Variants in ZNF324 observed in about 807,000 individuals in gnomAD.
The protein encoded by ZNF324 is zinc finger protein 324A.
In ZNF324, 3 loss-of-function variants were observed where a neutral mutation model predicts 10.3. The observed-to-expected ratio is 0.29, with a 90% CI of 0.13 to 0.75. The LOEUF (loss-of-function observed/expected upper bound fraction) is 0.75, where lower values mean the gene tolerates loss of function less well. Among genes scored for constraint, ZNF324 ranks in the 30% least tolerant of loss-of-function variants. The probability of loss-of-function intolerance (pLI) is 0.69; values close to 1 mark genes in which losing one functional copy is unlikely to be tolerated. For synonymous variants in ZNF324, 430 were observed against 339.5 expected (o/e 1.27, Z -2.93); for missense variants, 763 against 784.4 (o/e 0.97, Z 0.33).
Position 58,470,836 on chromosome 19 carries a change from C to A in ZNF324, c.344C>A (p.Ala115Asp). 6.2e-7 allele frequency: 1 copy of A among 1,614,230 alleles called. No individual in the cohort carries two copies. The highest frequency in any genetic ancestry group is 8.5e-7 in the Non-Finnish European group (1 of 1,180,044). ...ACTAGCGTCTTCCCTGTTGCCGGTG[C>A]CTGCCACAGTGTAAAAAGCCTGCAG... ...MTTSVFPVAG[A>D]CHSVKSLQRQ... Residue 115 changes from alanine to aspartate, a missense_variant, in exon 4 of 4, where the codon GCC becomes GAC. Around this residue, in one of 3 missense-constraint regions of ZNF324, gnomAD observed 379 missense variants for 319.4 expected, o/e 1.19. Coordinates refer to ENST00000196482, the MANE Select transcript of ZNF324 (RefSeq NM_014347.3).
In ZNF324 at chr19:58,475,384, T is replaced by G. The variant is rs947454466; in HGVS notation, c.*3230T>G. 1 of 152,258 alleles carries G rather than the reference T, an allele frequency of 6.6e-6. No homozygotes were observed. The highest frequency in any genetic ancestry group is 6.5e-5 in the Admixed American group (1 of 15,288). 9.4% of individuals were successfully genotyped at this position (152,258 alleles called of 1,614,324 possible). A position where few individuals can be genotyped will look rare whatever the true frequency, so the allele number is the denominator to read the frequency against. ...TGGGAGAAACTAGTGTCACCCTGGC[T>G]AGTTCTGCTCCCCAAATTCAAAGGT... On this transcript the variant is annotated 3_prime_UTR_variant, in exon 4 of 4. Transcript: ENST00000196482.
chr19:58,475,221 G>A lies in ZNF324; in HGVS notation c.*3067G>A, dbSNP rs1426789669. ...AGACCACTGCTCTTCATCCAGAGCAGGCAGCAGGGATTCCCAGGTATCCAA... is the reference window on the plus strand; with the variant it reads ...AGACCACTGCTCTTCATCCAGAGCAAGCAGCAGGGATTCCCAGGTATCCAA... On this transcript the variant is annotated 3_prime_UTR_variant, in exon 4 of 4. Coordinates refer to ENST00000196482, the MANE Select transcript of ZNF324 (RefSeq NM_014347.3). 2 of 152,214 alleles carry A rather than the reference G, an allele frequency of 1.3e-5. No homozygotes were observed. The highest frequency in any genetic ancestry group is 2.9e-5 in the Non-Finnish European group (2 of 68,050). The allele number at this position is 152,214 out of a possible 1,614,324, so 9.4% of individuals were successfully genotyped here.
chr19:58,470,575 C>T, intron 3 of ZNF324, 156 bp from the exon 4 acceptor site: 2 of 906,608 alleles, frequency 2.2e-6, no homozygotes, highest in Non-Finnish European at 3.6e-6. Flanking sequence ...GATTGTTCCT[C>T]CAAACCCCAG....
At chr19:58,469,374 A>C (rs1599995823) in intron 2 of ZNF324, 68 bp downstream of exon 2, 1 of 1,575,334 alleles carries the variant, frequency 6.3e-7, no homozygotes, top group Non-Finnish European at 8.6e-7. Flanking sequence ...CTGCCCCCTC[A>C]CCTCCCTGGT....
At chr19:58,468,487 C>T (rs1309110262) in intron 1 of ZNF324, among the ~76,000 whole-genome samples, 1 of 152,098 alleles carries the variant, frequency 6.6e-6, no homozygotes, top group Non-Finnish European at 1.5e-5. Flanking sequence ...GAGAATCATC[C>T]AGTCCCTCAG....
rs545473696 is a variant in ZNF324 at position 58,472,891 on chromosome 19, C to T, written c.*737C>T. On this transcript the variant is annotated 3_prime_UTR_variant, in exon 4 of 4. Coordinates refer to ENST00000196482, the MANE Select transcript of ZNF324 (RefSeq NM_014347.3). ...TGGAAGATGAGGAAACTGAGGCACACGGCCTGGCCTGGCTTCACACACATA... is the reference window on the plus strand; with the variant it reads ...TGGAAGATGAGGAAACTGAGGCACATGGCCTGGCCTGGCTTCACACACATA... 6.9e-4 allele frequency: 105 copies of T among 152,886 alleles called. No individual in the cohort carries two copies. The highest frequency in any genetic ancestry group is 1.1e-3 in the Non-Finnish European group (76 of 68,206). 9.5% of individuals were successfully genotyped at this position (152,886 alleles called of 1,614,324 possible). A position where few individuals can be genotyped will look rare whatever the true frequency, so the allele number is the denominator to read the frequency against.
In ZNF324 at chr19:58,473,198, A is replaced by G. The variant is rs2053053465; in HGVS notation, c.*1044A>G. ...GTCTCACCCCCATTATCCCTCCTCA[A>G]TTGGAGGCTGGACAGAGCTGAATAG... is the stretch of plus-strand genomic sequence containing the variant. On this transcript the variant is annotated 3_prime_UTR_variant, in exon 4 of 4. Coordinates refer to ENST00000196482, the MANE Select transcript of ZNF324 (RefSeq NM_014347.3). 6.6e-6 allele frequency: 1 copy of G among 152,622 alleles called. No homozygotes were observed. The highest frequency in any genetic ancestry group is 1.5e-5 in the Non-Finnish European group (1 of 68,090). 9.5% of individuals were successfully genotyped at this position (152,622 alleles called of 1,614,324 possible).
chr19:58,470,987 G>A lies in ZNF324; in HGVS notation c.495G>A (p.Pro165=), dbSNP rs368747557. 1.1e-5 allele frequency: 17 copies of A among 1,614,202 alleles called. No individual in the cohort carries two copies. Among genetic ancestry groups the A allele is most frequent in the Admixed American group, 8.3e-5 (5 of 60,030 alleles). ...GCGTCAGCCTGCGACTGACCTCCCC[G>A]CTTAGGCCTCCCGAGGGCGTCCGGC... ...QASVSLRLTS[P]LRPPEGVRLR... is the part of the protein sequence containing the mutation. The change falls in exon 4 of 4, where the codon CCG becomes CCA. Residue 165 remains proline (P), a synonymous_variant. Transcript: ENST00000196482.
intron 3 of ZNF324, 149 bp from the exon 4 acceptor site, chr19:58,470,582 C>G: frequency 2.1e-6 from 2 of 951,002 alleles, no homozygotes; most frequent in South Asian, 1.4e-5. Context: ...CCTCCAAACC[C>G]CAGCCCCTCC....
intron 3 of ZNF324, 197 bp from the exon 4 acceptor site, chr19:58,470,534 C>T (rs1217141564): frequency 9.8e-6 from 7 of 713,186 alleles, no homozygotes; most frequent in African/African-American, 3.5e-5. Context: ...TGGGAGTGCC[C>T]AGTGTAGTCA....
Position 58,469,735 on chromosome 19 carries a change from CACCTCTCG to C in ZNF324, c.135_142del (p.Arg46CysfsTer40). ...TGCACCTCCTCCTCACAGGACTCTC[CACCTCTCG>C]ACCTCGTGTGGTCATCCAACTGGAG... On this transcript the variant is annotated frameshift_variant, in exon 3 of 4. Transcript: ENST00000196482. LOFTEE classifies it high-confidence loss of function. The C allele has an allele frequency of 6.4e-7, 1 of 1,573,736 alleles. No homozygotes were observed. Among genetic ancestry groups the C allele is most frequent in the East Asian group, 2.3e-5 (1 of 42,808 alleles).
chr19:58,469,945 CCCACCCGATTCCCTTCCCTT>C (rs1457105452), intron 3 of ZNF324, 101 bp downstream of exon 3: 6 of 864,208 alleles, frequency 6.9e-6, no homozygotes, highest in South Asian at 1.6e-5. Context: ...TCCCCTCCCT[CCCACCCGATTCCCTTCCCTT>C]CCATCATCAG....
Position 58,471,833 on chromosome 19 carries a change from C to T in ZNF324, c.1341C>T (p.His447=), listed in dbSNP as rs1333575711. 2.5e-6 allele frequency: 4 copies of T among 1,612,950 alleles called. No individual in the cohort carries two copies. In the East Asian group the frequency reaches 8.9e-5, roughly 36 times the overall value. ...ACCTCACCCAGCACCAGCTCCTGCA[C>T]ACGGGCGAGCGGCCCTTCCGCTGCG... ...SSNLTQHQLL[H]TGERPFRCVD... is the part of the protein sequence containing the mutation. Residue 447 remains histidine, a synonymous_variant, in exon 4 of 4, where the codon CAC becomes CAT. Transcript: ENST00000196482.
intron 1 of ZNF324, among the ~76,000 whole-genome samples, chr19:58,468,930 C>A (rs994203151): frequency 1.3e-5 from 2 of 152,176 alleles, no homozygotes; most frequent in Non-Finnish European, 2.9e-5. Context: ...ACAGCCATAC[C>A]TTAAACTAAG....
rs2053062299 is a variant in ZNF324, at chr19:58,474,235, T to A, written c.*2081T>A. 6.6e-6 allele frequency: 1 copy of A among 152,234 alleles called. No individual in the cohort carries two copies. The highest frequency in any genetic ancestry group is 2.4e-5 in the African/African-American group (1 of 41,464). The allele number at this position is 152,234 out of a possible 1,614,324, so 9.4% of individuals were successfully genotyped here. ...TTGTCCCCCAGTAAGTCTGCAGAGC[T>A]GTGAAATGCAGACAATAACCCTTCC... is the stretch of plus-strand genomic sequence containing the variant. On this transcript the variant is annotated 3_prime_UTR_variant, in exon 4 of 4. Transcript: ENST00000196482.
In ZNF324 at chr19:58,471,717, G is replaced by A; in HGVS notation, c.1225G>A (p.Gly409Ser). 6.2e-7 allele frequency: 1 copy of A among 1,611,448 alleles called. No individual in the cohort carries two copies. Among genetic ancestry groups the A allele is most frequent in the Non-Finnish European group, 8.5e-7 (1 of 1,178,974 alleles). ...GCTCTGCGGTGCTGCCTTCAGCCAG[G>A]GCTCCTCGCTCTTTAAGCACCAGCG... is the stretch of plus-strand genomic sequence containing the variant. ...CALCGAAFSQ[G>S]SSLFKHQRVH... Residue 409 changes from glycine to serine, a missense_variant, in exon 4 of 4, where the codon GGC becomes AGC. Coordinates refer to ENST00000196482, the MANE Select transcript of ZNF324 (RefSeq NM_014347.3).
In ZNF324 at chr19:58,474,793, CAG is replaced by C. The variant is rs761944346; in HGVS notation, c.*2642_*2643del. On this transcript the variant is annotated 3_prime_UTR_variant, in exon 4 of 4. Coordinates refer to ENST00000196482, the MANE Select transcript of ZNF324 (RefSeq NM_014347.3). ...TAACCCACAAGTATGAGGATGGTGA[CAG>C]AGGAGTCAGGAGCAATGGCATTCCT... 6.6e-6 allele frequency: 1 copy of C among 152,222 alleles called. No homozygotes were observed. The highest frequency in any genetic ancestry group is 1.5e-5 in the Non-Finnish European group (1 of 68,040). 9.4% of individuals were successfully genotyped at this position (152,222 alleles called of 1,614,324 possible).
At chr19:58,468,209 G>C in intron 1 of ZNF324, 1 of 985,412 alleles carries the variant, frequency 1.0e-6, no homozygotes, top group Non-Finnish European at 1.2e-6. Flanking sequence ...CACTGGACCT[G>C]ACGTTGTTGG....
chr19:58,468,790 G>T (rs890010358), intron 1 of ZNF324, among the ~76,000 whole-genome samples: 6 of 152,300 alleles, frequency 3.9e-5, no homozygotes, highest in Non-Finnish European at 7.4e-5. Context: ...GAGGGCAGAG[G>T]GGAGGGGTCC....
Sources: allele counts gnomAD v4.1 joint callset (sites outside exome capture counted in the v4.1 genomes callset), GRCh38; gene constraint gnomAD v4.1.1; regional missense constraint gnomAD v4.1.1; transcripts MANE v1.5; gene names NCBI Gene and HGNC (gene_info 2026-07-23, HGNC 2026-07-21).